RBM33: variants seen among roughly 807,000 people sequenced by gnomAD.
The protein encoded by RBM33 is RNA binding motif protein 33.
Under a neutral mutation model 132.6 loss-of-function variants are expected in RBM33, and 28 were observed. That is an observed-to-expected ratio of 0.21 (90% CI 0.16 to 0.29). The LOEUF (loss-of-function observed/expected upper bound fraction) is 0.29, where lower values mean the gene tolerates loss of function less well. Ranked by LOEUF, RBM33 falls within the 10% of genes least tolerant of loss-of-function variation. RBM33 has a pLI of 1.00. For synonymous variants in RBM33, 634 were observed against 593.0 expected, an observed-to-expected ratio of 1.07 and a Z score of -1.01; for missense variants, 1,291 against 1,518.5, an observed-to-expected ratio of 0.85 and a Z score of 2.49.
intron 14 of RBM33, among the ~76,000 whole-genome samples, chr7:155,759,415 CT>C (rs58449648): frequency 0.028 from 3,198 of 113,920 alleles, 51 homozygotes; most frequent in African/African-American, 0.1. Flanking sequence ...TGTTTATGTT[CT>C]TTTTTTTTTT....
intron 3 of RBM33, among the ~76,000 whole-genome samples, chr7:155,673,732 A>G (rs1195541205): frequency 6.9e-6 from 1 of 144,310 alleles, no homozygotes; most frequent in Non-Finnish European, 1.5e-5. Context: ...ACACACACAT[A>G]TATACATACA....
Position 155,745,658 on chromosome 7 carries a change from C to T in RBM33, c.2979+56C>T, listed in dbSNP as rs1801494096. On this transcript the variant is annotated intron_variant, in intron 14 of 17. Transcript: ENST00000401878. The surrounding 1 kb of genome is among the most constrained non-coding windows in gnomAD (Gnocchi z 4.1). ...TGAGTCTGTGTATCACATAGAATGTCCTCATTTGCAGAGAATGTTTTTGAA... is the reference window on the plus strand; with the variant it reads ...TGAGTCTGTGTATCACATAGAATGTTCTCATTTGCAGAGAATGTTTTTGAA... 28 of 1,409,500 alleles carry T rather than the reference C, an allele frequency of 2.0e-5. No individual in the cohort carries two copies. The highest frequency in any genetic ancestry group is 2.7e-5 in the Non-Finnish European group (28 of 1,051,526). The allele number at this position is 1,409,500 out of a possible 1,614,324, so 87.3% of individuals were successfully genotyped here. A position where few individuals can be genotyped will look rare whatever the true frequency, so the allele number is the denominator to read the frequency against.
In RBM33 at chr7:155,676,152, G is replaced by C. The variant is rs1241931871; in HGVS notation, c.172-2456G>C. ...TGGAGAGACTCCTAAGGCGCAGATA[G>C]CCCGAGGGAGGCGCATAGTACTGAG... On this transcript the variant is annotated intron_variant, in intron 3 of 17. Transcript: ENST00000401878. Among the ~76,000 whole-genome samples the C allele has an allele frequency of 1.3e-5, 2 of 152,170 alleles. 1 individual carries two copies.
At position 155,738,092 on chromosome 7, in the gene RBM33, T is replaced by C. The variant is rs1386468969; in HGVS notation, c.1426T>C (p.Phe476Leu). The change falls in exon 11 of 18, where the codon TTT (phenylalanine) becomes CTT (leucine). Residue 476 changes from phenylalanine to leucine, a missense_variant. Physicochemically the swap from Phe to Leu is conservative, Grantham distance 22. Coordinates refer to ENST00000401878, the MANE Select transcript of RBM33 (RefSeq NM_053043.3). ...TGAACCAAGATTCCCGAGCCATCTT[T>C]TTCTGGAACAGCGAAGTCCCCCTCC... ...SGEPRFPSHL[F>L]LEQRSPPPPP... The C allele has an allele frequency of 6.2e-7, 1 of 1,613,638 alleles. No individual in the cohort carries two copies. The highest frequency in any genetic ancestry group is 2.2e-5 in the East Asian group (1 of 44,880).
chr7:155,759,415 C>CTTTTTTTTTTT (rs58449648), intron 14 of RBM33, among the ~76,000 whole-genome samples: 1 of 114,014 alleles, frequency 8.8e-6, no homozygotes. Flanking sequence ...TGTTTATGTT[C>CTTTTTTTTTTT]TTTTTTTTTT....
intron 5 of RBM33, among the ~76,000 whole-genome samples, chr7:155,685,928 CT>C (rs1030433849): frequency 7.2e-5 from 11 of 152,168 alleles, no homozygotes; most frequent in South Asian, 2.1e-4. Context: ...TTACTTTACC[CT>C]TTTCCCCCCC....
intron 13 of RBM33, among the ~76,000 whole-genome samples, chr7:155,743,268 T>C (rs1456043546): frequency 6.6e-6 from 1 of 152,266 alleles, no homozygotes; most frequent in Non-Finnish European, 1.5e-5. Flanking sequence ...GTAAAAGTTT[T>C]ATCATACTTC....
At chr7:155,720,371 A>G (rs554779676) in intron 9 of RBM33, among the ~76,000 whole-genome samples, 11 of 152,334 alleles carry the variant, frequency 7.2e-5, no homozygotes, top group African/African-American at 2.6e-4. Flanking sequence ...AAATCATGAA[A>G]TGTGTATTTT....
Position 155,732,700 on chromosome 7 carries a change from A to G in RBM33, c.1261-4830A>G, listed in dbSNP as rs185959555. Among the ~76,000 whole-genome samples, 280 of 152,340 alleles carry G rather than the reference A, an allele frequency of 1.8e-3. 2 individuals carry two copies. Among genetic ancestry groups the G allele is most frequent in the African/African-American group, 6.4e-3 (267 of 41,572 alleles). On this transcript the variant is annotated intron_variant, in intron 9 of 17. Transcript: ENST00000401878. ...ACTCGTGGTAGAAAGTGATGTTTAGATGCAGGTGGAAGCAGAGAAGAGGGG... is the reference window on the plus strand; with the variant it reads ...ACTCGTGGTAGAAAGTGATGTTTAGGTGCAGGTGGAAGCAGAGAAGAGGGG...
At chr7:155,658,137 G>A (rs905540993) in intron 1 of RBM33, among the ~76,000 whole-genome samples, 6 of 152,034 alleles carry the variant, frequency 3.9e-5, no homozygotes, top group African/African-American at 1.4e-4. Flanking sequence ...CAATTTTGGT[G>A]TTCTGTTTCA....
At chr7:155,695,746 C>T (rs956760372) in intron 5 of RBM33, among the ~76,000 whole-genome samples, 2 of 152,232 alleles carry the variant, frequency 1.3e-5, no homozygotes, top group Non-Finnish European at 2.9e-5. Flanking sequence ...TAGGCGTGAG[C>T]TACCATGCCT....
chr7:155,709,475 G>A (rs1800214160), intron 7 of RBM33, among the ~76,000 whole-genome samples: 1 of 152,126 alleles, frequency 6.6e-6, no homozygotes, highest in African/African-American at 2.4e-5. Flanking sequence ...TTCTCAGTGA[G>A]TCTTAGTCTC....
intron 8 of RBM33, among the ~76,000 whole-genome samples, 158 bp from the exon 9 acceptor site, chr7:155,718,227 A>G (rs948702391): frequency 6.6e-6 from 1 of 152,128 alleles, no homozygotes; most frequent in African/African-American, 2.4e-5. Context: ...CTGTTATGGA[A>G]TTGTTAAAAA....
intron 6 of RBM33, 153 bp from the exon 7 acceptor site, chr7:155,706,707 A>G: frequency 1.6e-6 from 1 of 612,366 alleles, no homozygotes; most frequent in Non-Finnish European, 2.9e-6. Flanking sequence ...TGCTGGTTGT[A>G]TCGTACTTGC....
intron 5 of RBM33, among the ~76,000 whole-genome samples, chr7:155,681,493 T>C (rs1179430932): frequency 6.6e-6 from 1 of 152,154 alleles, no homozygotes; most frequent in African/African-American, 2.4e-5. Flanking sequence ...TTTTTTTTTT[T>C]CAAAGTTGAA....
Position 155,766,492 on chromosome 7 carries a change from G to A in RBM33, c.3212G>A (p.Gly1071Glu). 6.2e-7 allele frequency: 1 copy of A among 1,613,630 alleles called. No homozygotes were observed. Among genetic ancestry groups the A allele is most frequent in the Non-Finnish European group, 8.5e-7 (1 of 1,179,826 alleles). ...KKAIMHGRGR[G>E]VAGPMGRGRL... ...GCCATCATGCACGGACGAGGCAGAG[G>A]AGTGGCCGGTCCCATGGGCCGGGGG... Residue 1071 changes from glycine (G) to glutamate (E), a missense_variant, in exon 16 of 18, where the codon GGA becomes GAA. Around this residue, in one of 7 missense-constraint regions of RBM33, gnomAD observed 841 missense variants for 912.0 expected, o/e 0.92. Transcript: ENST00000401878.
At chr7:155,757,236 C>T (rs1801880538) in intron 14 of RBM33, among the ~76,000 whole-genome samples, 1 of 152,134 alleles carries the variant, frequency 6.6e-6, no homozygotes, top group Non-Finnish European at 1.5e-5. Context: ...TGGCCACAAC[C>T]TAGGAATGTG....
At chr7:155,697,646 G>A (rs1799832929) in intron 5 of RBM33, among the ~76,000 whole-genome samples, 1 of 151,936 alleles carries the variant, frequency 6.6e-6, no homozygotes, top group Non-Finnish European at 1.5e-5. Context: ...TTTAGATTTT[G>A]GGATAGAATA....
At chr7:155,679,178 A>C (rs2161882) in intron 4 of RBM33, among the ~76,000 whole-genome samples, 94,396 of 151,970 alleles carry the variant, frequency 0.62, 30,906 homozygotes, top group South Asian at 0.77. Flanking sequence ...TCTTAAAAAA[A>C]AAAAAACAAA....
Sources: allele counts gnomAD v4.1 joint callset (sites outside exome capture counted in the v4.1 genomes callset), GRCh38; gene constraint gnomAD v4.1.1; regional missense constraint gnomAD v4.1.1; non-coding constraint Gnocchi (gnomAD v3.1); transcripts MANE v1.5; gene names NCBI Gene and HGNC (gene_info 2026-07-23, HGNC 2026-07-21).